Variants in DCC observed in about 807,000 individuals in gnomAD.
DCC encodes DCC netrin 1 receptor.
DCC carries 58 observed loss-of-function variants against 172.5 expected under a neutral mutation model. The ratio of observed to expected loss-of-function variants is 0.34; its 90% confidence interval spans 0.27 to 0.42. DCC has a LOEUF of 0.42. Ranked by LOEUF, DCC falls within the 10% of genes least tolerant of loss-of-function variation. The probability of loss-of-function intolerance (pLI) is 1.00; values close to 1 mark genes in which losing one functional copy is unlikely to be tolerated. For synonymous variants in DCC, 709 were observed against 644.5 expected, an observed-to-expected ratio of 1.10 and a Z score of -1.52; for missense variants, 1,740 against 1,791.0, an observed-to-expected ratio of 0.97 and a Z score of 0.51.
chr18:53,450,683 A>G (rs756883839), intron 23 of DCC, 21 bp downstream of exon 23: 4 of 1,590,818 alleles, frequency 2.5e-6, no homozygotes, highest in Middle Eastern at 1.7e-4. Context: ...GCTGGTTCCC[A>G]AGAGGAAAGA....
intron 21 of DCC, among the ~76,000 whole-genome samples, chr18:53,426,537 G>T (rs1378461123): frequency 6.7e-6 from 1 of 149,270 alleles, no homozygotes; most frequent in Non-Finnish European, 1.5e-5. Flanking sequence ...TTTTACTTTG[G>T]TGCTTGCAAA....
chr18:53,092,831 C>T (rs559125799), intron 7 of DCC, among the ~76,000 whole-genome samples: 10 of 152,120 alleles, frequency 6.6e-5, no homozygotes, highest in South Asian at 4.1e-4. Context: ...TCATAGACCC[C>T]GAAACAACTT....
chr18:53,185,602 T>C (rs1471840643), intron 9 of DCC, among the ~76,000 whole-genome samples: 2 of 152,172 alleles, frequency 1.3e-5, no homozygotes, highest in Non-Finnish European at 2.9e-5. Context: ...TCTCACGAAT[T>C]CATATATGAT....
chr18:52,478,073 G>T (rs116552581), intron 1 of DCC, among the ~76,000 whole-genome samples: 13 of 152,228 alleles, frequency 8.5e-5, no homozygotes, highest in Non-Finnish European at 1.3e-4. Context: ...GCCTCACAAA[G>T]TATTGGAATT....
At chr18:52,605,226 G>A (rs1330950202) in intron 1 of DCC, among the ~76,000 whole-genome samples, 1 of 152,024 alleles carries the variant, frequency 6.6e-6, no homozygotes, top group Non-Finnish European at 1.5e-5. Flanking sequence ...GCACTAGATT[G>A]GAAAAGTTAA....
chr18:52,890,103 AT>A (rs1568170463), intron 2 of DCC, among the ~76,000 whole-genome samples: 2 of 152,264 alleles, frequency 1.3e-5, no homozygotes, highest in East Asian at 3.9e-4. Context: ...GATCTATGCA[AT>A]ATCAACAAAG....
chr18:52,678,709 A>T (rs777388391), intron 1 of DCC, among the ~76,000 whole-genome samples: 4 of 152,276 alleles, frequency 2.6e-5, no homozygotes, highest in Middle Eastern at 3.4e-3. Flanking sequence ...TCAGAAAAGT[A>T]GTTCTTTAAG....
intron 15 of DCC, among the ~76,000 whole-genome samples, chr18:53,369,754 T>G (rs982527161): frequency 6.6e-6 from 1 of 151,902 alleles, no homozygotes; most frequent in Non-Finnish European, 1.5e-5. Context: ...ACTTTATTAG[T>G]CTGGTGGATT....
At chr18:52,687,364 A>C (rs1026913854) in intron 1 of DCC, among the ~76,000 whole-genome samples, 1 of 147,914 alleles carries the variant, frequency 6.8e-6, no homozygotes, top group Non-Finnish European at 1.5e-5. Flanking sequence ...AGCTCACTGC[A>C]ACCTCCACTT....
chr18:52,744,300 C>G (rs1285764248), intron 1 of DCC, among the ~76,000 whole-genome samples: 1 of 152,068 alleles, frequency 6.6e-6, no homozygotes, highest in Non-Finnish European at 1.5e-5. Flanking sequence ...GAGGGAGAAA[C>G]TTTGACTGTT....
At chr18:53,234,295 G>A (rs1353972837) in intron 12 of DCC, among the ~76,000 whole-genome samples, 3 of 152,136 alleles carry the variant, frequency 2.0e-5, no homozygotes, top group Non-Finnish European at 2.9e-5. Context: ...CGGGCGTGGT[G>A]TTGGTCACCT....
At chr18:52,465,841 T>A (rs2144549441) in intron 1 of DCC, among the ~76,000 whole-genome samples, 1 of 151,686 alleles carries the variant, frequency 6.6e-6, no homozygotes, top group Middle Eastern at 3.4e-3. Context: ...TATCTCTAAC[T>A]TAAATTTGTA....
At chr18:52,477,954 C>T (rs971465319) in intron 1 of DCC, among the ~76,000 whole-genome samples, 1 of 152,076 alleles carries the variant, frequency 6.6e-6, no homozygotes, top group East Asian at 1.9e-4. Flanking sequence ...GGATTGCATG[C>T]ACACACCACC....
chr18:53,048,691 A>G (rs948826430), intron 5 of DCC, among the ~76,000 whole-genome samples: 1 of 151,044 alleles, frequency 6.6e-6, no homozygotes, highest in Non-Finnish European at 1.5e-5. Context: ...ATATATACCT[A>G]TTCTTTTGGA....
In DCC at chr18:52,759,405, TA is replaced by T. The variant is rs563438675; in HGVS notation, c.412+7039del. Among the ~76,000 whole-genome samples the T allele has an allele frequency of 1.8e-3, 281 of 152,176 alleles. 1 individual carries two copies. The highest frequency in any genetic ancestry group is 9.5e-3 in the South Asian group (46 of 4,818). ...TAGTAGAAACATCAACAAAATAACC[TA>T]AAAAAAATTTTCAACCTTTCATTTC... On this transcript the variant is annotated intron_variant, in intron 2 of 28. Transcript: ENST00000442544.
intron 1 of DCC, among the ~76,000 whole-genome samples, chr18:52,546,952 A>G (rs2032633923): frequency 6.6e-6 from 1 of 152,120 alleles, no homozygotes; most frequent in South Asian, 2.1e-4. Context: ...ATAGAGATAT[A>G]CTCAGAGGCT....
At chr18:52,851,131 G>A (rs142338635) in intron 2 of DCC, among the ~76,000 whole-genome samples, 2 of 152,112 alleles carry the variant, frequency 1.3e-5, no homozygotes, top group Non-Finnish European at 2.9e-5. Context: ...TCTTCAAAGT[G>A]AGGTGACCTC....
intron 18 of DCC, 126 bp downstream of exon 18, chr18:53,397,572 T>G: frequency 1.0e-6 from 1 of 996,478 alleles, no homozygotes; most frequent in Non-Finnish European, 1.5e-6. Flanking sequence ...GTTCATCCTC[T>G]ATAGTTCATA....
At chr18:53,129,123 G>A (rs751414748) in intron 7 of DCC, among the ~76,000 whole-genome samples, 1 of 151,756 alleles carries the variant, frequency 6.6e-6, no homozygotes, top group Non-Finnish European at 1.5e-5. Context: ...CTGACCTCAA[G>A]TGATCTTCAC....
Sources: allele counts gnomAD v4.1 joint callset (sites outside exome capture counted in the v4.1 genomes callset), GRCh38; gene constraint gnomAD v4.1.1; transcripts MANE v1.5; gene names NCBI Gene and HGNC (gene_info 2026-07-23, HGNC 2026-07-21).